DAB1: variants seen among roughly 807,000 people sequenced by gnomAD.
DAB1 encodes the protein DAB adaptor protein 1, also known as disabled homolog 1.
DAB1 carries 15 observed loss-of-function variants against 64.6 expected under a neutral mutation model. The ratio of observed to expected loss-of-function variants is 0.23; its 90% CI spans 0.16 to 0.36. DAB1 has a LOEUF of 0.36. Among genes scored for constraint, DAB1 ranks in the 10% least tolerant of loss-of-function variants. DAB1 has a pLI of 1.00. For synonymous variants in DAB1, 235 were observed against 251.9 expected, an observed-to-expected ratio of 0.93 and a Z score of 0.64; for missense variants, 596 against 706.7, an observed-to-expected ratio of 0.84 and a Z score of 1.78.
intron 2 of DAB1, among the ~76,000 whole-genome samples, chr1:58,517,982 T>C (rs764961280): frequency 6.6e-6 from 1 of 150,886 alleles, no homozygotes; most frequent in Non-Finnish European, 1.5e-5. Flanking sequence ...AGGTTGGGAG[T>C]TCGAGACCAG....
chr1:57,102,620 A>G (rs1654782783), intron 4 of DAB1, among the ~76,000 whole-genome samples: 1 of 152,044 alleles, frequency 6.6e-6, no homozygotes, highest in Admixed American at 6.6e-5. Context: ...TGTTTCAACT[A>G]TTTTCATCGA....
intron 4 of DAB1, among the ~76,000 whole-genome samples, chr1:57,111,458 C>T (rs1655647770): frequency 6.6e-6 from 1 of 152,178 alleles, no homozygotes; most frequent in Non-Finnish European, 1.5e-5. Context: ...GAAAGGAACT[C>T]TTGTTTTATC....
intron 4 of DAB1, among the ~76,000 whole-genome samples, chr1:58,226,249 T>C (rs1409794531): frequency 6.6e-6 from 1 of 152,218 alleles, no homozygotes; most frequent in Non-Finnish European, 1.5e-5. Context: ...CAAATATTGG[T>C]TGGCTGATTA....
intron 5 of DAB1, among the ~76,000 whole-genome samples, chr1:57,949,345 C>A (rs375924808): frequency 2.0e-5 from 3 of 152,138 alleles, no homozygotes; most frequent in Admixed American, 6.6e-5. Context: ...GTTCAGGCAG[C>A]GAGGCTTGCT....
intron 2 of DAB1, among the ~76,000 whole-genome samples, chr1:58,525,418 T>C (rs1244739331): frequency 1.3e-5 from 2 of 152,150 alleles, no homozygotes. Context: ...ACAAGGTCAA[T>C]TATAAAATCA....
At chr1:57,597,977 T>C (rs1453849512) in intron 7 of DAB1, among the ~76,000 whole-genome samples, 1 of 152,188 alleles carries the variant, frequency 6.6e-6, no homozygotes. Flanking sequence ...AGTTTATTTT[T>C]ATTTTTATTT....
intron 3 of DAB1, among the ~76,000 whole-genome samples, chr1:58,436,800 C>T (rs1644950246): frequency 6.6e-6 from 1 of 152,218 alleles, no homozygotes; most frequent in Non-Finnish European, 1.5e-5. Flanking sequence ...TAAAGAAGTG[C>T]AGTGTCAGCG....
intron 4 of DAB1, among the ~76,000 whole-genome samples, chr1:57,120,353 G>C (rs1457245682): frequency 6.6e-6 from 1 of 152,292 alleles, no homozygotes; most frequent in African/African-American, 2.4e-5. Context: ...TTAGTACTGT[G>C]AACACACCGG....
chr1:57,538,948 C>T (rs1218582549), intron 7 of DAB1, among the ~76,000 whole-genome samples: 2 of 152,186 alleles, frequency 1.3e-5, no homozygotes, highest in African/African-American at 4.8e-5. Flanking sequence ...CAGCAGGGAA[C>T]AAGGGGCAAA....
At position 57,796,506 on chromosome 1, in the gene DAB1, G is replaced by A. The variant is rs143893147; in HGVS notation, n.551+87493C>T. Among the ~76,000 whole-genome samples the A allele has an allele frequency of 5.1e-3, 779 of 151,416 alleles. 4 individuals are homozygous for A. The highest frequency in any genetic ancestry group is 0.017 in the African/African-American group (681 of 41,264). ...CGTGCCGCTGCATTCCAGCCTGGGCGACAGAGCAAAACTCCGTCTCAATAA... is the reference window on the plus strand; with the variant it reads ...CGTGCCGCTGCATTCCAGCCTGGGCAACAGAGCAAAACTCCGTCTCAATAA... On this transcript the variant is annotated intron_variant and non_coding_transcript_variant, in intron 6 of 20. Transcript: ENST00000485760.
chr1:58,453,771 T>C (rs1210889194), intron 3 of DAB1, among the ~76,000 whole-genome samples: 2 of 152,148 alleles, frequency 1.3e-5, no homozygotes, highest in Non-Finnish European at 2.9e-5. Context: ...CACCTTGCAC[T>C]AGCTTTAGTA....
chr1:58,021,323 C>T (rs1399344667), intron 5 of DAB1, among the ~76,000 whole-genome samples: 1 of 152,158 alleles, frequency 6.6e-6, no homozygotes, highest in Non-Finnish European at 1.5e-5. Flanking sequence ...ATTCTAAATG[C>T]TTATTATAGA....
intron 7 of DAB1, among the ~76,000 whole-genome samples, chr1:57,439,434 T>TTTTTTGTTTTTTTTTTTTTTTTTTG (rs1558381562): frequency 7.5e-6 from 1 of 133,316 alleles, no homozygotes; most frequent in East Asian, 2.3e-4. Flanking sequence ...TCTTTTTTTT[T>TTTTTTGTTTTTTTTTTTTTTTTTTG]TTTTTTTTTT....
chr1:57,249,866 T>C (rs2100513997), intron 2 of DAB1, among the ~76,000 whole-genome samples: 1 of 152,382 alleles, frequency 6.6e-6, no homozygotes, highest in Non-Finnish European at 1.5e-5. Flanking sequence ...TATGCTGCTA[T>C]GATAATCTAT....
Position 57,015,382 on chromosome 1 carries a change from G to A in DAB1, c.945C>T (p.Pro315=), listed in dbSNP as rs763852672. The A allele has an allele frequency of 9.9e-6, 16 of 1,613,836 alleles. No homozygotes were observed. In the South Asian group the frequency reaches 1.3e-4, roughly 13 times the overall value. ...CCATGACCATCTGCTGTTGGACGAG[G>A]GGCTGCTGACCCCAGAAGGACGGGA... ...AVLPSFWGQQ[P]LVQQQMVMGA... Residue 315 remains proline (P), a synonymous_variant, in exon 12 of 15, where the codon CCC becomes CCT. Coordinates refer to ENST00000371236, the MANE Select transcript of DAB1 (RefSeq NM_001365792.1).
At chr1:57,658,745 T>A (rs1232134849) in intron 6 of DAB1, among the ~76,000 whole-genome samples, 1 of 152,124 alleles carries the variant, frequency 6.6e-6, no homozygotes, top group Non-Finnish European at 1.5e-5. Context: ...TTTCTGTATT[T>A]TTTTAGTAGA....
At chr1:57,129,109 C>T (rs763723046) in intron 4 of DAB1, among the ~76,000 whole-genome samples, 1 of 152,118 alleles carries the variant, frequency 6.6e-6, no homozygotes, top group South Asian at 2.1e-4. Context: ...TACCACCATA[C>T]CTTTTTAAAG....
rs141222292 is a variant in DAB1, at chr1:58,231,565, A to C, written n.310-80977T>G. Among the ~76,000 whole-genome samples, 417 of 152,354 alleles carry C rather than the reference A, an allele frequency of 2.7e-3. 2 individuals carry two copies. The highest frequency in any genetic ancestry group is 9.4e-3 in the African/African-American group (391 of 41,576). On this transcript the variant is annotated intron_variant and non_coding_transcript_variant, in intron 4 of 20. Coordinates refer to the DAB1 transcript ENST00000485760. Reference sequence around the variant, plus strand: ...CTGATGGACAGGCCACTAAGGTATGAGGACAGGAGTGCTAGACAAAGGTAC... The same window carrying C: ...CTGATGGACAGGCCACTAAGGTATGCGGACAGGAGTGCTAGACAAAGGTAC...
At chr1:58,180,585 G>A (rs1200434582) in intron 4 of DAB1, among the ~76,000 whole-genome samples, 3 of 151,964 alleles carry the variant, frequency 2.0e-5, no homozygotes, top group Non-Finnish European at 4.4e-5. Context: ...ATGAGCCACT[G>A]TGCCTGGCCT....
Sources: gnomAD v4.1 joint callset for allele counts (sites outside exome capture counted in the v4.1 genomes callset) on GRCh38, gnomAD v4.1.1 for gene constraint, MANE v1.5 for transcripts, NCBI Gene and HGNC (gene_info 2026-07-23, HGNC 2026-07-21) for gene names.